Variants in ARHGAP15 observed in about 807,000 individuals in gnomAD.
ARHGAP15 encodes the protein rho GTPase-activating protein 15.
ARHGAP15 carries 51 observed loss-of-function variants against 63.7 expected under a neutral mutation model. The observed-to-expected ratio is 0.80, with a 90% confidence interval of 0.64 to 1.01. The LOEUF (loss-of-function observed/expected upper bound fraction) is 1.01. Among genes scored for constraint, ARHGAP15 ranks in the 50% least tolerant of loss-of-function variants. The pLI is 0.00. For synonymous variants in ARHGAP15, 191 were observed against 193.8 expected (o/e 0.99, Z 0.12); for missense variants, 560 against 564.6 (o/e 0.99, Z 0.08).
At chr2:143,388,782 G>T (rs186942860) in intron 6 of ARHGAP15, among the ~76,000 whole-genome samples, 2 of 151,848 alleles carry the variant, frequency 1.3e-5, no homozygotes, top group African/African-American at 4.8e-5. Context: ...ATTTAATTGC[G>T]TGTCCAATGT....
intron 13 of ARHGAP15, among the ~76,000 whole-genome samples, chr2:143,742,874 CT>C (rs1044398380): frequency 6.6e-6 from 1 of 152,224 alleles, no homozygotes; most frequent in African/African-American, 2.4e-5. Flanking sequence ...ATAACCACGA[CT>C]GCTCATATTC....
chr2:143,211,507 G>A (rs1692562526), intron 3 of ARHGAP15, among the ~76,000 whole-genome samples: 1 of 152,104 alleles, frequency 6.6e-6, no homozygotes, highest in African/African-American at 2.4e-5. Context: ...TTCAGAGAAA[G>A]TATAGCAGCT....
intron 2 of ARHGAP15, among the ~76,000 whole-genome samples, chr2:143,159,014 C>A (rs1342164764): frequency 6.6e-6 from 1 of 151,796 alleles, no homozygotes; most frequent in African/African-American, 2.4e-5. Flanking sequence ...GATTTGCAGG[C>A]AAGAGTAGTT....
chr2:143,372,449 C>A (rs1372953767), intron 6 of ARHGAP15, among the ~76,000 whole-genome samples: 1 of 150,118 alleles, frequency 6.7e-6, no homozygotes, highest in East Asian at 1.9e-4. Flanking sequence ...TGTGACTGTG[C>A]TTATATAAAT....
At chr2:143,280,043 A>G (rs1043361364) in intron 6 of ARHGAP15, among the ~76,000 whole-genome samples, 3 of 152,188 alleles carry the variant, frequency 2.0e-5, no homozygotes, top group African/African-American at 7.2e-5. Context: ...GACCACCTTC[A>G]ATCATTCACA....
At chr2:143,348,127 G>A (rs1309223124) in intron 6 of ARHGAP15, among the ~76,000 whole-genome samples, 2 of 151,990 alleles carry the variant, frequency 1.3e-5, no homozygotes, top group Admixed American at 6.6e-5. Context: ...AACCTATTGG[G>A]GCACTAAGGT....
chr2:143,651,819 T>C (rs946144939), intron 12 of ARHGAP15, among the ~76,000 whole-genome samples: 3 of 152,046 alleles, frequency 2.0e-5, no homozygotes, highest in South Asian at 2.1e-4. Flanking sequence ...GTCAGTAATA[T>C]TGGGCATCTT....
chr2:143,732,552 CATTTA>C (rs1372718568), intron 13 of ARHGAP15, among the ~76,000 whole-genome samples: 1 of 152,100 alleles, frequency 6.6e-6, no homozygotes, highest in East Asian at 1.9e-4. Flanking sequence ...CACAACCTCA[CATTTA>C]ATTTTAGCCA....
chr2:143,363,407 G>GTTGC (rs926734437), intron 6 of ARHGAP15, among the ~76,000 whole-genome samples: 1 of 152,072 alleles, frequency 6.6e-6, no homozygotes, highest in Non-Finnish European at 1.5e-5. Flanking sequence ...TGGGCTTGGA[G>GTTGC]TTGCTTGAAC....
intron 11 of ARHGAP15, 110 bp downstream of exon 11, chr2:143,556,595 G>A: frequency 1.1e-5 from 8 of 749,110 alleles, no homozygotes; most frequent in South Asian, 2.7e-5. Context: ...ACAGGAGAAT[G>A]TGAAAGTGGA....
chr2:143,360,147 G>A (rs968112388), intron 6 of ARHGAP15, among the ~76,000 whole-genome samples: 2 of 151,844 alleles, frequency 1.3e-5, no homozygotes, highest in African/African-American at 4.8e-5. Flanking sequence ...GGGAGACCAT[G>A]GTAGGAGGAC....
At chr2:143,173,683 A>G (rs1042801568) in intron 2 of ARHGAP15, among the ~76,000 whole-genome samples, 5 of 152,262 alleles carry the variant, frequency 3.3e-5, no homozygotes, top group African/African-American at 1.2e-4. Flanking sequence ...TTTTTCATTT[A>G]CAGTTTGCCC....
At chr2:143,377,146 A>T (rs1403945040) in intron 6 of ARHGAP15, among the ~76,000 whole-genome samples, 2 of 152,062 alleles carry the variant, frequency 1.3e-5, no homozygotes, top group Non-Finnish European at 2.9e-5. Flanking sequence ...ATCTTAAAAC[A>T]TTTGGGTAAA....
At position 143,277,900 on chromosome 2, in the gene ARHGAP15, C is replaced by T. The variant is rs547228356; in HGVS notation, c.474+27300C>T. On this transcript the variant is annotated intron_variant, in intron 6 of 13. Coordinates refer to ENST00000295095, the MANE Select transcript of ARHGAP15 (RefSeq NM_018460.4). ...ATAGATATAGACTATGCATCTCCAGCATCTTACAAAGCTTGGGTTCATTAT... is the reference window on the plus strand; with the variant it reads ...ATAGATATAGACTATGCATCTCCAGTATCTTACAAAGCTTGGGTTCATTAT... Among the ~76,000 whole-genome samples, 10 of 152,252 alleles carry T rather than the reference C, an allele frequency of 6.6e-5. No homozygotes were observed. In the South Asian group the frequency reaches 1.9e-3, roughly 28 times the overall value.
At chr2:143,224,061 A>G (rs1468562909) in intron 4 of ARHGAP15, among the ~76,000 whole-genome samples, 1 of 152,200 alleles carries the variant, frequency 6.6e-6, no homozygotes, top group African/African-American at 2.4e-5. Context: ...GAGACATGTG[A>G]CCAGCTTAGT....
In ARHGAP15 at chr2:143,713,508, A is replaced by C. The variant is rs901968833; in HGVS notation, c.1244+9984A>C. 2.6e-5 allele frequency among the ~76,000 whole-genome samples: 4 copies of C among 152,114 alleles called. 1 individual carries two copies. Among genetic ancestry groups the C allele is most frequent in the Admixed American group, 6.5e-5 (1 of 15,272 alleles). ...TCTCATGTCCTCATATATCAAAACCAATCATGCCTTCCCAACAGTCCCCCA... is the reference window on the plus strand; with the variant it reads ...TCTCATGTCCTCATATATCAAAACCCATCATGCCTTCCCAACAGTCCCCCA... On this transcript the variant is annotated intron_variant, in intron 13 of 13. Transcript: ENST00000295095.
chr2:143,248,845 G>T (rs1346879294), intron 5 of ARHGAP15, among the ~76,000 whole-genome samples: 1 of 152,106 alleles, frequency 6.6e-6, no homozygotes, highest in African/African-American at 2.4e-5. Flanking sequence ...TTGTACGTAG[G>T]TAAGTACCTG....
At chr2:143,563,955 G>C (rs1696124641) in intron 11 of ARHGAP15, 1 of 152,256 alleles carries the variant, frequency 6.6e-6, no homozygotes, top group Non-Finnish European at 1.5e-5. Flanking sequence ...CAGAAGTCTG[G>C]GCACAGCTTA....
chr2:143,353,486 G>A (rs1215937301), intron 6 of ARHGAP15, among the ~76,000 whole-genome samples: 4 of 151,916 alleles, frequency 2.6e-5, no homozygotes, highest in Non-Finnish European at 5.9e-5. Context: ...TTAAATACAT[G>A]GTGTGAAGGT....
Sources: allele counts gnomAD v4.1 joint callset (sites outside exome capture counted in the v4.1 genomes callset), GRCh38; gene constraint gnomAD v4.1.1; transcripts MANE v1.5; gene names NCBI Gene and HGNC (gene_info 2026-07-23, HGNC 2026-07-21).